The following HS3ST5 variants were observed in gnomAD, a reference collection of about 807,000 sequenced individuals.
The protein encoded by HS3ST5 is heparan sulfate-glucosamine 3-sulfotransferase 5.
A neutral mutation model predicts 25.4 loss-of-function variants in HS3ST5; 10 were observed. The observed-to-expected ratio is 0.39, with a 90% CI of 0.24 to 0.67. HS3ST5 has a LOEUF of 0.67. Among genes scored for constraint, HS3ST5 ranks in the 30% least tolerant of loss-of-function variants. HS3ST5 has a pLI of 0.44. For missense variants in HS3ST5, 324 were observed against 420.7 expected, an observed-to-expected ratio of 0.77 and a Z score of 2.01; for synonymous variants, 170 against 162.4, an observed-to-expected ratio of 1.05 and a Z score of -0.36.
In HS3ST5 at chr6:114,261,356, A is replaced by G. The variant is rs573813865; in HGVS notation, c.-338-32578T>C. 9.0e-4 allele frequency among the ~76,000 whole-genome samples: 137 copies of G among 152,296 alleles called. 4 individuals carry two copies. In the South Asian group the frequency reaches 0.026, roughly 29 times the overall value. On this transcript the variant is annotated intron_variant, in intron 1 of 4. Coordinates refer to ENST00000312719, the MANE Select transcript of HS3ST5 (RefSeq NM_153612.4). Reference sequence around the variant, plus strand: ...GGATTGGGTACAATCACACAAATAGAAGAGTTAACTGGGCAAGAGACTAAG... The same window carrying G: ...GGATTGGGTACAATCACACAAATAGGAGAGTTAACTGGGCAAGAGACTAAG...
At chr6:114,142,904 C>T (rs1277042426) in intron 3 of HS3ST5, 1 of 152,198 alleles carries the variant, frequency 6.6e-6, no homozygotes, top group East Asian at 1.9e-4. Flanking sequence ...AGTACCACAG[C>T]AATTATCTTT....
intron 1 of HS3ST5, among the ~76,000 whole-genome samples, chr6:114,240,175 A>T (rs757513340): frequency 1.3e-5 from 2 of 152,028 alleles, no homozygotes; most frequent in Non-Finnish European, 2.9e-5. Context: ...CAAACTTCCC[A>T]TTCTATAACT....
chr6:114,110,345 T>C (rs1364008621), intron 3 of HS3ST5, among the ~76,000 whole-genome samples: 2 of 150,278 alleles, frequency 1.3e-5, no homozygotes, highest in Non-Finnish European at 3.0e-5. Flanking sequence ...GCAGCTAGAG[T>C]GTGCTGGAGG....
intron 4 of HS3ST5, 99 bp from the exon 5 acceptor site, chr6:114,058,289 A>G (rs1426213578): frequency 2.3e-6 from 2 of 853,592 alleles, no homozygotes. Flanking sequence ...AAATAAAGCC[A>G]CTGGTTCCCA....
At chr6:114,276,271 T>A (rs7741208) in intron 1 of HS3ST5, among the ~76,000 whole-genome samples, 50,608 of 151,810 alleles carry the variant, frequency 0.33, 8,571 homozygotes, top group East Asian at 0.4. Context: ...GGGTTCTCAG[T>A]TCATTGGACA....
intron 3 of HS3ST5, among the ~76,000 whole-genome samples, chr6:114,139,551 G>A (rs1411066071): frequency 1.3e-5 from 2 of 152,132 alleles, no homozygotes; most frequent in Non-Finnish European, 2.9e-5. Flanking sequence ...GAACTTAATT[G>A]CTAAATTCAG....
chr6:114,100,230 A>T (rs1775652262), intron 3 of HS3ST5, among the ~76,000 whole-genome samples: 1 of 152,134 alleles, frequency 6.6e-6, no homozygotes, highest in South Asian at 2.1e-4. Context: ...TTCCCCACAT[A>T]CATGTCTTTC....
intron 1 of HS3ST5, among the ~76,000 whole-genome samples, chr6:114,259,762 T>C (rs537259901): frequency 6.6e-6 from 1 of 152,280 alleles, no homozygotes; most frequent in African/African-American, 2.4e-5. Context: ...ACAGAAGAGA[T>C]ATAGATGTAG....
At chr6:114,113,917 A>G (rs1473457423) in intron 3 of HS3ST5, among the ~76,000 whole-genome samples, 1 of 152,060 alleles carries the variant, frequency 6.6e-6, no homozygotes, top group Non-Finnish European at 1.5e-5. Context: ...TTATCATTAG[A>G]AATCAGGCTG....
intron 1 of HS3ST5, among the ~76,000 whole-genome samples, chr6:114,276,389 T>C (rs1448550659): frequency 2.6e-5 from 4 of 151,968 alleles, no homozygotes; most frequent in African/African-American, 9.7e-5. Context: ...TATATATTTA[T>C]TGGTTAAATG....
In HS3ST5 at chr6:114,057,698, C is replaced by T; in HGVS notation, c.600G>A (p.Lys200=). 6.2e-7 allele frequency: 1 copy of T among 1,614,150 alleles called. No homozygotes were observed. Among genetic ancestry groups the T allele is most frequent in the African/African-American group, 1.3e-5 (1 of 75,022 alleles). The change falls in exon 5 of 5, where the codon AAG becomes AAA. Residue 200 remains lysine, a synonymous_variant. Coordinates refer to ENST00000312719, the MANE Select transcript of HS3ST5 (RefSeq NM_153612.4). Reference sequence around the variant, plus strand: ...TGTAATAAGTTTTGTTCTTCCTCTCCTTCCCCTCTAGCACCTGAGTATAAT... The same window carrying T: ...TGTAATAAGTTTTGTTCTTCCTCTCTTTCCCCTCTAGCACCTGAGTATAAT... The part of the protein sequence containing the change: ...ISDYTQVLEG[K]ERKNKTYYKF...
At chr6:114,189,534 A>G (rs1049441026) in intron 2 of HS3ST5, among the ~76,000 whole-genome samples, 3 of 151,944 alleles carry the variant, frequency 2.0e-5, no homozygotes, top group Non-Finnish European at 4.4e-5. Context: ...AATCTCTGCT[A>G]TTTTCCATCT....
At chr6:114,307,304 G>T (rs1369026783) in intron 1 of HS3ST5, among the ~76,000 whole-genome samples, 1 of 151,616 alleles carries the variant, frequency 6.6e-6, no homozygotes, top group African/African-American at 2.4e-5. Context: ...TGTCCTTCAT[G>T]AGAAGAGCAT....
chr6:114,141,405 T>G (rs540419907), intron 3 of HS3ST5, among the ~76,000 whole-genome samples: 21 of 152,340 alleles, frequency 1.4e-4, no homozygotes, highest in African/African-American at 4.8e-4. Flanking sequence ...CATGTAATAT[T>G]TATAGCTTCT....
At chr6:114,257,054 G>A (rs1772959681) in intron 1 of HS3ST5, among the ~76,000 whole-genome samples, 1 of 152,170 alleles carries the variant, frequency 6.6e-6, no homozygotes, top group Non-Finnish European at 1.5e-5. Context: ...CAGATCTCAT[G>A]AGACTTATTC....
chr6:114,265,906 T>G (rs2114684130), intron 1 of HS3ST5, among the ~76,000 whole-genome samples: 1 of 152,312 alleles, frequency 6.6e-6, no homozygotes, highest in East Asian at 1.9e-4. Context: ...TCTTGCTGCA[T>G]GCTGTCCCTG....
chr6:114,103,291 A>T (rs969566061), intron 3 of HS3ST5, among the ~76,000 whole-genome samples: 1 of 151,900 alleles, frequency 6.6e-6, no homozygotes, highest in Non-Finnish European at 1.5e-5. Context: ...TTATCGCACC[A>T]CTGCACTCCA....
chr6:114,245,439 C>G lies in HS3ST5; in HGVS notation c.-338-16661G>C, dbSNP rs1772333440. 3.3e-5 allele frequency among the ~76,000 whole-genome samples: 5 copies of G among 152,154 alleles called. No individual in the cohort carries two copies. The South Asian group carries it at 1.0e-3, about 32-fold the overall frequency. ...GCATTAAATGGAAAGTCAGGATCAT[C>G]ATCAAGAATAATGTCTTGGTATGTG... is the stretch of plus-strand genomic sequence containing the variant. On this transcript the variant is annotated intron_variant, in intron 1 of 4. Coordinates refer to ENST00000312719, the MANE Select transcript of HS3ST5 (RefSeq NM_153612.4).
At chr6:114,087,080 C>G (rs1190198034) in intron 3 of HS3ST5, among the ~76,000 whole-genome samples, 1 of 152,134 alleles carries the variant, frequency 6.6e-6, no homozygotes, top group African/African-American at 2.4e-5. Context: ...GAAGTGCCCT[C>G]TTTCCTTGAT....
Sources: allele counts gnomAD v4.1 joint callset (sites outside exome capture counted in the v4.1 genomes callset), GRCh38; gene constraint gnomAD v4.1.1; transcripts MANE v1.5; gene names NCBI Gene and HGNC (gene_info 2026-07-23, HGNC 2026-07-21).